Variants in AGBL4 observed in about 807,000 individuals in gnomAD.
AGBL4 encodes the protein cytosolic carboxypeptidase 6.
In AGBL4, 58 loss-of-function variants were observed where a neutral mutation model predicts 66.4. The ratio of observed to expected loss-of-function variants is 0.87; its 90% CI spans 0.71 to 1.09. AGBL4 has a LOEUF of 1.09. Among genes scored for constraint, AGBL4 ranks in the 50% least tolerant of loss-of-function variants. The pLI is 0.00. For synonymous variants in AGBL4, 234 were observed against 222.9 expected, an observed-to-expected ratio of 1.05 and a Z score of -0.44; for missense variants, 579 against 631.0, an observed-to-expected ratio of 0.92 and a Z score of 0.88.
intron 3 of AGBL4, among the ~76,000 whole-genome samples, chr1:49,635,197 C>T (rs1219036544): frequency 1.3e-5 from 2 of 152,148 alleles, no homozygotes; most frequent in African/African-American, 4.8e-5. Flanking sequence ...TCTAAAGCTG[C>T]ATGTCTCTCT....
intron 2 of AGBL4, among the ~76,000 whole-genome samples, chr1:49,843,482 C>A (rs567692743): frequency 1.3e-5 from 2 of 152,316 alleles, no homozygotes; most frequent in African/African-American, 2.4e-5. Flanking sequence ...GAGGCACCCA[C>A]ATTCCTTGGC....
At chr1:48,784,723 T>C (rs1645371476) in intron 6 of AGBL4, among the ~76,000 whole-genome samples, 1 of 152,318 alleles carries the variant, frequency 6.6e-6, no homozygotes, top group East Asian at 1.9e-4. Context: ...ATTCAACCAT[T>C]CAGATCTCAG....
At chr1:49,308,897 A>C (rs1055747797) in intron 3 of AGBL4, among the ~76,000 whole-genome samples, 1 of 152,158 alleles carries the variant, frequency 6.6e-6, no homozygotes, top group Non-Finnish European at 1.5e-5. Flanking sequence ...TTACACAATT[A>C]ATCTCACTGA....
intron 3 of AGBL4, 105 bp from the exon 4 acceptor site, chr1:49,245,969 C>G: frequency 1.3e-6 from 1 of 790,108 alleles, no homozygotes. Context: ...GCCATATGGA[C>G]TAGCAGGCAA....
chr1:49,327,157 G>A (rs980833638), intron 3 of AGBL4, among the ~76,000 whole-genome samples: 3 of 152,072 alleles, frequency 2.0e-5, no homozygotes, highest in African/African-American at 7.2e-5. Flanking sequence ...CAGCATAATC[G>A]TCTCATCTCA....
chr1:49,682,627 C>T (rs1323981101), intron 3 of AGBL4, among the ~76,000 whole-genome samples: 2 of 152,130 alleles, frequency 1.3e-5, no homozygotes, highest in Admixed American at 6.6e-5. Flanking sequence ...TCATACCAGA[C>T]GAAGGCCCTA....
At chr1:49,390,283 TC>T (rs1158468245) in intron 3 of AGBL4, among the ~76,000 whole-genome samples, 1 of 152,204 alleles carries the variant, frequency 6.6e-6, no homozygotes, top group East Asian at 1.9e-4. Context: ...TCTTTAAAAA[TC>T]ATCTTTAGGT....
At chr1:49,782,053 T>C (rs1208485700) in intron 2 of AGBL4, among the ~76,000 whole-genome samples, 1 of 151,622 alleles carries the variant, frequency 6.6e-6, no homozygotes, top group Non-Finnish European at 1.5e-5. Flanking sequence ...CATCACCTTA[T>C]GAAACTAGAA....
chr1:49,946,595 C>T (rs1258427792), intron 1 of AGBL4, among the ~76,000 whole-genome samples: 1 of 151,896 alleles, frequency 6.6e-6, no homozygotes, highest in Non-Finnish European at 1.5e-5. Context: ...TAAACACCTA[C>T]ATCAAAAAGT....
At chr1:49,149,454 G>A (rs1231215332) in intron 4 of AGBL4, among the ~76,000 whole-genome samples, 2 of 152,316 alleles carry the variant, frequency 1.3e-5, no homozygotes. Context: ...GTGAAAGGCA[G>A]TTAACATTGT....
Position 49,772,520 on chromosome 1 carries a change from T to G in AGBL4, c.158-75083A>C, listed in dbSNP as rs578219365. On this transcript the variant is annotated intron_variant, in intron 2 of 13. Transcript: ENST00000371839. ...TACTGTTTTTTGTTTTGCGTAGCCC[T>G]ACTTTAAGTATTTCTTGTAAGGCCA... Among the ~76,000 whole-genome samples, 3 of 152,208 alleles carry G rather than the reference T, an allele frequency of 2.0e-5. No individual in the cohort carries two copies. In the East Asian group the frequency reaches 5.8e-4, roughly 29 times the overall value.
chr1:49,323,588 T>A (rs1353627139), intron 3 of AGBL4, among the ~76,000 whole-genome samples: 2 of 151,890 alleles, frequency 1.3e-5, no homozygotes, highest in East Asian at 3.9e-4. Flanking sequence ...CAGGACATTT[T>A]TAAGTCTTCA....
chr1:49,843,104 A>G (rs565571973), intron 2 of AGBL4, among the ~76,000 whole-genome samples: 65 of 152,236 alleles, frequency 4.3e-4, no homozygotes, highest in South Asian at 1.5e-3. Flanking sequence ...GGAATGGCCA[A>G]TGTGGGAGAG....
At chr1:48,673,694 G>A (rs550706563) in intron 6 of AGBL4, among the ~76,000 whole-genome samples, 12 of 152,304 alleles carry the variant, frequency 7.9e-5, no homozygotes, top group African/African-American at 2.9e-4. Context: ...ACCAACCCAT[G>A]CCTTGCCCAC....
chr1:49,487,057 A>C (rs2148736148), intron 3 of AGBL4, among the ~76,000 whole-genome samples: 1 of 152,148 alleles, frequency 6.6e-6, no homozygotes, highest in Non-Finnish European at 1.5e-5. Context: ...CTCTCAAAAC[A>C]GAAAAATAAT....
At chr1:49,580,114 GAT>G (rs576413857) in intron 3 of AGBL4, among the ~76,000 whole-genome samples, 133 of 152,126 alleles carry the variant, frequency 8.7e-4, no homozygotes, top group African/African-American at 3.2e-3. Flanking sequence ...TACTTTATGT[GAT>G]ATGAGTATAA....
chr1:49,288,963 A>C (rs1391900373), intron 3 of AGBL4, among the ~76,000 whole-genome samples: 1 of 152,056 alleles, frequency 6.6e-6, no homozygotes, highest in African/African-American at 2.4e-5. Context: ...TGCATCAACT[A>C]AATTTACAGA....
At chr1:49,011,897 G>A (rs972097555) in intron 5 of AGBL4, among the ~76,000 whole-genome samples, 2 of 112,332 alleles carry the variant, frequency 1.8e-5, no homozygotes, top group African/African-American at 3.4e-5. Context: ...GGGGGGTGGG[G>A]GGAGGGATAG....
At chr1:48,807,872 C>T (rs913733703) in intron 6 of AGBL4, among the ~76,000 whole-genome samples, 5 of 152,096 alleles carry the variant, frequency 3.3e-5, no homozygotes, top group South Asian at 2.1e-4. Flanking sequence ...AGAGACTGGG[C>T]TGGGCAGGGC....
Sources: gnomAD v4.1 joint callset for allele counts (sites outside exome capture counted in the v4.1 genomes callset) on GRCh38, gnomAD v4.1.1 for gene constraint, MANE v1.5 for transcripts, NCBI Gene and HGNC (gene_info 2026-07-23, HGNC 2026-07-21) for gene names.